MBD5: variants seen among roughly 807,000 people sequenced by gnomAD.
The protein encoded by MBD5 is methyl-CpG binding domain protein 5.
In MBD5, 13 loss-of-function variants were observed where a neutral mutation model predicts 117.3. That is an observed-to-expected ratio of 0.11 (90% CI 0.07 to 0.18). MBD5 has a LOEUF of 0.18. Among genes scored for constraint, MBD5 ranks in the 10% least tolerant of loss-of-function variants. The pLI is 1.00. For synonymous variants in MBD5, 727 were observed against 766.4 expected, an observed-to-expected ratio of 0.95 and a Z score of 0.85; for missense variants, 1,879 against 2,093.8, an observed-to-expected ratio of 0.90 and a Z score of 2.00.
intron 1 of MBD5, among the ~76,000 whole-genome samples, chr2:148,064,128 C>CT (rs35256354): frequency 0.065 from 5,054 of 78,082 alleles, 289 homozygotes; most frequent in African/African-American, 0.16. Flanking sequence ...TGTCTTTTTT[C>CT]TTTTTTTTTT....
intron 3 of MBD5, among the ~76,000 whole-genome samples, chr2:148,260,370 T>C (rs765103147): frequency 6.6e-6 from 1 of 152,236 alleles, no homozygotes; most frequent in Non-Finnish European, 1.5e-5. Context: ...ATCATGACAT[T>C]GCAGCAATTC....
chr2:148,038,813 A>T (rs1204332422), intron 1 of MBD5, among the ~76,000 whole-genome samples: 2 of 151,928 alleles, frequency 1.3e-5, no homozygotes, highest in Non-Finnish European at 2.9e-5. Flanking sequence ...TTACTGTTTA[A>T]ATTATACCAG....
chr2:148,353,504 A>G (rs937277965), intron 4 of MBD5, among the ~76,000 whole-genome samples: 1 of 152,114 alleles, frequency 6.6e-6, no homozygotes, highest in African/African-American at 2.4e-5. Flanking sequence ...CACGCACACA[A>G]ACACATAAAG....
At chr2:148,312,344 G>A (rs746221560) in intron 3 of MBD5, among the ~76,000 whole-genome samples, 20 of 152,010 alleles carry the variant, frequency 1.3e-4, no homozygotes, top group South Asian at 2.1e-4. Context: ...GGCTTTGTTC[G>A]TTCCTTTTCA....
Position 148,149,913 on chromosome 2 carries a change from T to G in MBD5, c.-924-28787T>G, listed in dbSNP as rs905084729. The stretch of plus-strand genomic sequence containing the variant: ...GTTGCCTGTTCACTCTGATGGTAGT[T>G]TCTTTTGCTGTGCAGAAGCTCTTTA... On this transcript the variant is annotated intron_variant, in intron 1 of 13. Coordinates refer to ENST00000642680, the MANE Select transcript of MBD5 (RefSeq NM_001378120.1). Among the ~76,000 whole-genome samples, 98 of 143,626 alleles carry G rather than the reference T, an allele frequency of 6.8e-4. 3 individuals carry two copies. The highest frequency in any genetic ancestry group is 2.4e-3 in the African/African-American group (95 of 38,884). 94.2% of individuals were successfully genotyped at this position (143,626 alleles called of 152,430 possible).
At chr2:148,188,910 C>G (rs1480940121) in intron 2 of MBD5, among the ~76,000 whole-genome samples, 1 of 151,542 alleles carries the variant, frequency 6.6e-6, no homozygotes, top group African/African-American at 2.4e-5. Context: ...GCACCGTGCG[C>G]GAGCCGAAGC....
intron 4 of MBD5, among the ~76,000 whole-genome samples, chr2:148,383,909 AC>A (rs1704248422): frequency 6.6e-6 from 1 of 152,156 alleles, no homozygotes; most frequent in Non-Finnish European, 1.5e-5. Flanking sequence ...AAAATTCAAC[AC>A]CCCTTCATGC....
chr2:148,399,807 T>A (rs554139214), intron 4 of MBD5, among the ~76,000 whole-genome samples: 1 of 152,148 alleles, frequency 6.6e-6, no homozygotes, highest in Non-Finnish European at 1.5e-5. Context: ...AGATAACTCT[T>A]ATTATTTTGA....
At chr2:148,353,784 T>C (rs534184193) in intron 4 of MBD5, among the ~76,000 whole-genome samples, 1 of 152,122 alleles carries the variant, frequency 6.6e-6, no homozygotes, top group South Asian at 2.1e-4. Flanking sequence ...TTTCACCATG[T>C]TGCCCAGGCT....
intron 1 of MBD5, among the ~76,000 whole-genome samples, chr2:148,125,045 C>T (rs908737583): frequency 7.3e-5 from 11 of 151,418 alleles, no homozygotes; most frequent in African/African-American, 1.7e-4. Context: ...ACTTTTTAAA[C>T]GTAAGATTTA....
chr2:148,274,073 G>GT (rs368822747), intron 3 of MBD5, among the ~76,000 whole-genome samples: 74 of 151,986 alleles, frequency 4.9e-4, no homozygotes, highest in South Asian at 6.2e-4. Context: ...TCATTTGGAA[G>GT]TTTTTTATCA....
intron 3 of MBD5, among the ~76,000 whole-genome samples, chr2:148,239,435 T>C (rs889700787): frequency 1.3e-5 from 2 of 152,088 alleles, no homozygotes; most frequent in Non-Finnish European, 1.5e-5. Context: ...GCCCTACGAC[T>C]TTAGAGATGG....
In MBD5 at chr2:148,449,871, C is replaced by T. The variant is rs73021555; in HGVS notation, c.-556-8332C>T. On this transcript the variant is annotated intron_variant, in intron 4 of 13. Coordinates refer to ENST00000642680, the MANE Select transcript of MBD5 (RefSeq NM_001378120.1). ...TTAATTTTTTGAAGATAGTATTTTCCGTGATTATAGAGCTAATATATGTTT... is the reference window on the plus strand; with the variant it reads ...TTAATTTTTTGAAGATAGTATTTTCTGTGATTATAGAGCTAATATATGTTT... Among the ~76,000 whole-genome samples, 376 of 151,690 alleles carry T rather than the reference C, an allele frequency of 2.5e-3. 1 individual carries two copies. Among genetic ancestry groups the T allele is most frequent in the African/African-American group, 8.4e-3 (349 of 41,364 alleles).
chr2:148,151,704 T>C (rs1313750315), intron 1 of MBD5, among the ~76,000 whole-genome samples: 2 of 152,204 alleles, frequency 1.3e-5, no homozygotes, highest in Non-Finnish European at 2.9e-5. Flanking sequence ...ATCCATTTCT[T>C]CTAGATTTTC....
At chr2:148,144,678 T>C (rs1243103981) in intron 1 of MBD5, among the ~76,000 whole-genome samples, 1 of 152,256 alleles carries the variant, frequency 6.6e-6, no homozygotes, top group Non-Finnish European at 1.5e-5. Flanking sequence ...CTAGCTACTT[T>C]TCCCAGCACC....
At chr2:148,356,642 T>G (rs1334171430) in intron 4 of MBD5, among the ~76,000 whole-genome samples, 1 of 152,136 alleles carries the variant, frequency 6.6e-6, no homozygotes, top group Non-Finnish European at 1.5e-5. Context: ...CTTAAGCAAT[T>G]TTTCCGTTTT....
chr2:148,494,984 T>A (rs1681656959), intron 11 of MBD5, among the ~76,000 whole-genome samples: 1 of 151,690 alleles, frequency 6.6e-6, no homozygotes, highest in South Asian at 2.1e-4. Flanking sequence ...ATAAAATAAA[T>A]AAAAAAAATT....
intron 4 of MBD5, among the ~76,000 whole-genome samples, chr2:148,358,603 C>T (rs1226755053): frequency 7.0e-6 from 1 of 143,796 alleles, no homozygotes; most frequent in African/African-American, 2.6e-5. Context: ...ACAGGTGAAA[C>T]CCCCACTAAA....
chr2:148,485,811 A>G lies in MBD5; in HGVS notation c.3614A>G (p.Asn1205Ser), dbSNP rs1430540984. ...ACTCATCTACAGTCGCTGTTAAACA[A>G]CAATCAGATGTTTCCTCCAAATCAG... Reference protein sequence around the residue: ...QLTHLQSLLNNNQMFPPNQQQ... With the variant: ...QLTHLQSLLNSNQMFPPNQQQ... Residue 1205 changes from asparagine to serine, a missense_variant, in exon 10 of 14, where the codon AAC (asparagine) becomes AGC (serine). Physicochemically the swap from Asn to Ser is conservative, Grantham distance 46. This residue lies in a region of MBD5 where 1,666 missense variants were observed against 1,792.2 expected (regional missense o/e 0.93). Coordinates refer to ENST00000642680, the MANE Select transcript of MBD5 (RefSeq NM_001378120.1). 6.2e-7 allele frequency: 1 copy of G among 1,613,986 alleles called. No individual in the cohort carries two copies. Among genetic ancestry groups the G allele is most frequent in the East Asian group, 2.2e-5 (1 of 44,884 alleles).
Sources: allele counts gnomAD v4.1 joint callset (sites outside exome capture counted in the v4.1 genomes callset), GRCh38; gene constraint gnomAD v4.1.1; regional missense constraint gnomAD v4.1.1; transcripts MANE v1.5; gene names NCBI Gene and HGNC (gene_info 2026-07-23, HGNC 2026-07-21).